KLF8: variants seen among roughly 807,000 people sequenced by gnomAD.
KLF8 encodes KLF transcription factor 8, also known as Krueppel-like factor 8.
KLF8 carries 10 observed loss-of-function variants against 18.2 expected under a neutral mutation model. That is an observed-to-expected ratio of 0.55 (90% confidence interval 0.34 to 0.93). KLF8 has a LOEUF of 0.93. Among genes scored for constraint, KLF8 ranks in the 40% least tolerant of loss-of-function variants. KLF8 has a pLI of 0.02. For missense variants in KLF8, 264 were observed against 277.9 expected (o/e 0.95, Z 0.36); for synonymous variants, 109 against 97.3 (o/e 1.12, Z -0.71).
the KLF8 span, among the ~76,000 whole-genome samples, chrX:55,930,701 T>C: frequency 8.9e-6 from 1 of 112,188 alleles, no homozygotes; most frequent in African/African-American, 3.2e-5. Flanking sequence ...GATTTGTGTA[T>C]GTTGAACCAG....
the KLF8 span, among the ~76,000 whole-genome samples, chrX:56,005,912 TGAG>T: frequency 8.0e-5 from 9 of 111,919 alleles, no homozygotes; most frequent in Non-Finnish European, 1.5e-4. Context: ...GGAGCTATAA[TGAG>T]GACCCTTTGG....
At chrX:56,031,271 G>A in the KLF8 span, among the ~76,000 whole-genome samples, 6 of 111,533 alleles carry the variant, frequency 5.4e-5, no homozygotes, top group African/African-American at 9.8e-5. Context: ...CACCTTTATC[G>A]TTTATACCAA....
chrX:56,064,135 A>G, the KLF8 span, among the ~76,000 whole-genome samples: 1 of 103,365 alleles, frequency 9.7e-6, no homozygotes, highest in South Asian at 4.0e-4. Flanking sequence ...ATATATGTAT[A>G]TACATATATA....
chrX:55,996,497 C>T, the KLF8 span, among the ~76,000 whole-genome samples: 1 of 111,715 alleles, frequency 9.0e-6, no homozygotes, highest in African/African-American at 3.3e-5. Flanking sequence ...GGATGATGTT[C>T]CTTTAATCTT....
chrX:55,986,644 T>C, the KLF8 span, among the ~76,000 whole-genome samples: 1 of 112,272 alleles, frequency 8.9e-6, no homozygotes, highest in African/African-American at 3.2e-5. Flanking sequence ...GTATCTTCTT[T>C]TGAGAAATGT....
chrX:56,130,227 C>A, the KLF8 span, among the ~76,000 whole-genome samples: 1 of 111,445 alleles, frequency 9.0e-6, no homozygotes, highest in Non-Finnish European at 1.9e-5. Flanking sequence ...CATCAAGCAA[C>A]TGCGACTAAG....
the KLF8 span, among the ~76,000 whole-genome samples, chrX:56,161,864 A>T: frequency 1.8e-5 from 2 of 111,368 alleles, no homozygotes; most frequent in Non-Finnish European, 3.8e-5. Context: ...TAGAGTTTCC[A>T]GTTTTTCTGC....
At chrX:56,104,173 C>CT in the KLF8 span, among the ~76,000 whole-genome samples, 320 of 110,950 alleles carry the variant, frequency 2.9e-3, no homozygotes, top group African/African-American at 9.8e-3. Flanking sequence ...CTGAAATTCT[C>CT]TTTTTTTTGT....
intron 2 of KLF8, 86 bp from the exon 3 acceptor site, chrX:56,265,084 GTGAAATGAAT>G: frequency 9.9e-7 from 1 of 1,011,610 alleles, no homozygotes; most frequent in Non-Finnish European, 1.3e-6. Flanking sequence ...TTCCTTCCAT[GTGAAATGAAT>G]AGAGATTTCT....
the KLF8 span, among the ~76,000 whole-genome samples, chrX:56,195,603 T>C: frequency 8.9e-6 from 1 of 112,195 alleles, no homozygotes; most frequent in African/African-American, 3.2e-5. Context: ...AATCTGTGTT[T>C]GATTGGTGTA....
the KLF8 span, among the ~76,000 whole-genome samples, chrX:56,002,083 T>C: frequency 9.0e-6 from 1 of 111,573 alleles, no homozygotes; most frequent in Admixed American, 9.5e-5. Context: ...ATGAAGAATG[T>C]TTTCTCTTTC....
chrX:56,097,487 C>G, the KLF8 span, among the ~76,000 whole-genome samples: 1 of 107,612 alleles, frequency 9.3e-6, no homozygotes, highest in Admixed American at 1.0e-4. Context: ...GTGCACCACA[C>G]CCAGCTAATT....
At chrX:55,961,284 C>T in the KLF8 span, 1 of 373,907 alleles carries the variant, frequency 2.7e-6, no homozygotes, top group Non-Finnish European at 5.0e-6. Context: ...ACCACAGCCT[C>T]TGCCAGAGGT....
chrX:56,195,976 C>G, the KLF8 span, among the ~76,000 whole-genome samples: 13 of 111,524 alleles, frequency 1.2e-4, no homozygotes, highest in African/African-American at 4.2e-4. Context: ...CATATCCAGG[C>G]AAACTAAGCT....
the KLF8 span, among the ~76,000 whole-genome samples, chrX:56,043,285 T>C: frequency 2.7e-5 from 3 of 109,944 alleles, no homozygotes; most frequent in Admixed American, 1.9e-4. Context: ...TGGATGATTA[T>C]GTGTATTGGA....
At chrX:55,920,379 A>T in the KLF8 span, among the ~76,000 whole-genome samples, 1 of 111,640 alleles carries the variant, frequency 9.0e-6, no homozygotes. Context: ...ACATACCCAA[A>T]ATATCCTGCC....
the KLF8 span, among the ~76,000 whole-genome samples, chrX:56,040,231 G>A: frequency 9.0e-6 from 1 of 111,387 alleles, no homozygotes; most frequent in South Asian, 3.8e-4. Flanking sequence ...TCTGTTGCCT[G>A]ATTGCTCTGG....
chrX:55,983,771 C>G, the KLF8 span, among the ~76,000 whole-genome samples: 29 of 110,822 alleles, frequency 2.6e-4, no homozygotes, highest in Non-Finnish European at 4.2e-4. Context: ...ATCCCTAGCT[C>G]TCTTCCAGTA....
chrX:56,049,138 G>A, the KLF8 span, among the ~76,000 whole-genome samples: 1 of 111,894 alleles, frequency 8.9e-6, no homozygotes. Flanking sequence ...CTTTGCTGAA[G>A]TTGCTTATCA....
Sources: allele counts gnomAD v4.1 joint callset (sites outside exome capture counted in the v4.1 genomes callset), GRCh38; gene constraint gnomAD v4.1.1; transcripts MANE v1.5; gene names NCBI Gene and HGNC (gene_info 2026-07-23, HGNC 2026-07-21).